NGEF: variants seen among roughly 807,000 people sequenced by gnomAD.
NGEF encodes ephexin-1.
In NGEF, 31 loss-of-function variants were observed where a neutral mutation model predicts 80.9. The observed-to-expected ratio is 0.38, with a 90% CI of 0.29 to 0.52. NGEF has a LOEUF of 0.52. Ranked by LOEUF, NGEF falls within the 20% of genes least tolerant of loss-of-function variation. The pLI is 0.84. For synonymous variants in NGEF, 371 were observed against 370.2 expected, an observed-to-expected ratio of 1.00 and a Z score of -0.03; for missense variants, 709 against 926.2, an observed-to-expected ratio of 0.77 and a Z score of 3.04.
intron 3 of NGEF, among the ~76,000 whole-genome samples, chr2:232,927,628 C>T (rs1693103790): frequency 6.6e-6 from 1 of 152,072 alleles, no homozygotes; most frequent in Admixed American, 6.5e-5. Context: ...CCGAGCGGGA[C>T]GCGCACGACC....
At chr2:232,883,574 G>T in intron 11 of NGEF, 108 bp from the exon 12 acceptor site, 1 of 1,099,448 alleles carries the variant, frequency 9.1e-7, no homozygotes, top group Non-Finnish European at 1.2e-6. Flanking sequence ...AGCGCTGGCT[G>T]ATCTTCACCT....
chr2:232,984,021 T>C (rs1694488396), intron 1 of NGEF, among the ~76,000 whole-genome samples: 1 of 152,196 alleles, frequency 6.6e-6, no homozygotes. Context: ...ACAAACATCA[T>C]GTGCAAGAGA....
intron 3 of NGEF, among the ~76,000 whole-genome samples, chr2:232,952,080 A>C (rs1205140753): frequency 6.6e-6 from 1 of 152,240 alleles, no homozygotes; most frequent in African/African-American, 2.4e-5. Flanking sequence ...TAAAGCCTTC[A>C]AGCCGTCTTA....
intron 1 of NGEF, among the ~76,000 whole-genome samples, chr2:232,989,474 A>C (rs1210124221): frequency 6.6e-6 from 1 of 151,904 alleles, no homozygotes; most frequent in Non-Finnish European, 1.5e-5. Context: ...CAAACAAACA[A>C]AACTATGCCA....
intron 5 of NGEF, among the ~76,000 whole-genome samples, chr2:232,913,199 C>T (rs1166705174): frequency 5.3e-5 from 8 of 152,204 alleles, no homozygotes; most frequent in African/African-American, 1.7e-4. Flanking sequence ...GATTCATTTT[C>T]AGTCACTTCA....
chr2:232,982,014 C>T (rs181741984), intron 1 of NGEF, among the ~76,000 whole-genome samples: 2 of 152,230 alleles, frequency 1.3e-5, no homozygotes, highest in Non-Finnish European at 2.9e-5. Flanking sequence ...GAGCCCATTG[C>T]AGGGGAGGTA....
chr2:232,940,147 G>A (rs949048506), intron 3 of NGEF, among the ~76,000 whole-genome samples: 11 of 152,210 alleles, frequency 7.2e-5, no homozygotes, highest in East Asian at 1.9e-4. Flanking sequence ...GACGGAATTC[G>A]TTTCTTCCCA....
intron 9 of NGEF, among the ~76,000 whole-genome samples, chr2:232,886,381 GTGAT>G (rs373219169): frequency 6.6e-6 from 1 of 151,662 alleles, no homozygotes; most frequent in Admixed American, 6.6e-5. Context: ...TGTATTGTGT[GTGAT>G]ATGTATGGGC....
intron 3 of NGEF, among the ~76,000 whole-genome samples, chr2:232,965,714 C>A (rs919329420): frequency 6.6e-6 from 1 of 152,146 alleles, no homozygotes; most frequent in Non-Finnish European, 1.5e-5. Flanking sequence ...GTCTCCACAG[C>A]AGGTGTATCA....
At chr2:232,906,174 GTCAGCCCCCCGCCTGGCCAGCCGCCCC>G (rs1692523721) in intron 5 of NGEF, among the ~76,000 whole-genome samples, 2 of 24,806 alleles carry the variant, frequency 8.1e-5, no homozygotes, top group African/African-American at 3.1e-4. Context: ...AGGTGGGGGG[GTCAGCCCCCCGCCTGGCCAGCCGCCCC>G]GTCCGGGAAG....
At chr2:232,915,176 G>A (rs1182777794) in intron 5 of NGEF, among the ~76,000 whole-genome samples, 1 of 152,058 alleles carries the variant, frequency 6.6e-6, no homozygotes, top group East Asian at 1.9e-4. Context: ...TGATTTTTTG[G>A]GGTTACTGGT....
chr2:232,893,496 A>G (rs1390553748), intron 6 of NGEF, among the ~76,000 whole-genome samples: 1 of 152,284 alleles, frequency 6.6e-6, no homozygotes, highest in Non-Finnish European at 1.5e-5. Flanking sequence ...TGGCAGGGCC[A>G]GGCGCAGTGG....
rs542636754 is a variant in NGEF, at chr2:232,994,558, G to A, written c.-75+18510C>T. Among the ~76,000 whole-genome samples the A allele has an allele frequency of 2.2e-4, 34 of 152,210 alleles. No individual in the cohort carries two copies. The South Asian group carries it at 6.7e-3, about 30-fold the overall frequency. On this transcript the variant is annotated intron_variant, in intron 1 of 14. Transcript: ENST00000264051. ...GAATATTTTGAGAAAGAATTTGGTGGTTCCCACAGCTTGCCATATGACACC... is the reference window on the plus strand; with the variant it reads ...GAATATTTTGAGAAAGAATTTGGTGATTCCCACAGCTTGCCATATGACACC...
chr2:232,888,109 T>C lies in NGEF; in HGVS notation c.1273-2A>G. On this transcript the variant is annotated splice_acceptor_variant, in intron 8 of 14. Coordinates refer to ENST00000264051, the MANE Select transcript of NGEF (RefSeq NM_019850.3). LOFTEE classifies it high-confidence loss of function. Reference sequence around the variant, plus strand: ...CTCTTCTACCCTCTTCAGGATGTTCTATGCACAGAGAAAGGCTGCGTTAAC... The same window carrying C: ...CTCTTCTACCCTCTTCAGGATGTTCCATGCACAGAGAAAGGCTGCGTTAAC... 6.3e-7 allele frequency: 1 copy of C among 1,585,206 alleles called. No homozygotes were observed. Among genetic ancestry groups the C allele is most frequent in the Non-Finnish European group, 8.5e-7 (1 of 1,169,784 alleles).
intron 5 of NGEF, among the ~76,000 whole-genome samples, chr2:232,900,187 C>T (rs1294758469): frequency 1.4e-5 from 2 of 146,234 alleles, no homozygotes; most frequent in African/African-American, 2.6e-5. Flanking sequence ...CACATTCACA[C>T]ACACGCTCTC....
chr2:233,004,660 G>A (rs1695050627), intron 1 of NGEF, among the ~76,000 whole-genome samples: 2 of 152,150 alleles, frequency 1.3e-5, no homozygotes, highest in Admixed American at 6.5e-5. Context: ...CACTCCTGAA[G>A]GCGTTTAGGA....
intron 3 of NGEF, among the ~76,000 whole-genome samples, chr2:232,929,939 GT>G (rs1402920601): frequency 2.0e-5 from 3 of 152,120 alleles, no homozygotes; most frequent in Non-Finnish European, 2.9e-5. Context: ...AGATCTGATG[GT>G]TTTATAAAGG....
intron 1 of NGEF, among the ~76,000 whole-genome samples, chr2:233,009,074 G>A (rs1224520299): frequency 2.0e-5 from 3 of 152,162 alleles, no homozygotes; most frequent in Non-Finnish European, 4.4e-5. Context: ...TGAGATTACA[G>A]GTGTGAGCCA....
chr2:232,980,929 A>G (rs904031791), intron 1 of NGEF, among the ~76,000 whole-genome samples: 3 of 152,018 alleles, frequency 2.0e-5, no homozygotes, highest in African/African-American at 7.3e-5. Context: ...TGCTTTGGCC[A>G]GGTCTAGGGC....
Sources: allele counts gnomAD v4.1 joint callset (sites outside exome capture counted in the v4.1 genomes callset), GRCh38; gene constraint gnomAD v4.1.1; transcripts MANE v1.5; gene names NCBI Gene and HGNC (gene_info 2026-07-23, HGNC 2026-07-21).